The following ITIH6 variants were observed in gnomAD, a reference collection of about 807,000 sequenced individuals.
ITIH6 encodes inter-alpha-trypsin inhibitor heavy chain H6.
In ITIH6, 60 loss-of-function variants were observed where a neutral mutation model predicts 58.2. The observed-to-expected ratio is 1.03, with a 90% confidence interval of 0.84 to 1.28. The LOEUF (loss-of-function observed/expected upper bound fraction) is 1.28. Among genes scored for constraint, ITIH6 ranks in the 50% most tolerant of loss-of-function variants. ITIH6 has a pLI of 0.00. For missense variants in ITIH6, 1,290 were observed against 1,021.1 expected, an observed-to-expected ratio of 1.26 and a Z score of -3.59; for synonymous variants, 493 against 417.4, an observed-to-expected ratio of 1.18 and a Z score of -2.21.
At chrX:54,795,002 C>A (rs1929415265) in intron 2 of ITIH6, among the ~76,000 whole-genome samples, 1 of 112,021 alleles carries the variant, frequency 8.9e-6, no homozygotes, top group Non-Finnish European at 1.9e-5. Flanking sequence ...TTACTCTCCA[C>A]TACAGTCAGG....
In ITIH6 at chrX:54,749,997, C is replaced by T. The variant is rs1387320767; in HGVS notation, c.3840G>A (p.Lys1280=). The stretch of plus-strand genomic sequence containing the variant: ...AGCGGGGCAGCAGCCTTGGTGAGTC[C>T]TTCAGCAGCCTCTTGCCTAGAATCA... The part of the protein sequence containing the change: ...VPVILGKRLL[K]DSPRLLPRWA... Residue 1280 remains lysine (K), a synonymous_variant, in exon 13 of 13, where the codon AAG becomes AAA. Coordinates refer to ENST00000218436, the MANE Select transcript of ITIH6 (RefSeq NM_198510.3). The T allele has an allele frequency of 8.3e-7, 1 of 1,209,727 alleles. No homozygotes were observed. Among genetic ancestry groups the T allele is most frequent in the Non-Finnish European group, 1.1e-6 (1 of 894,960 alleles).
rs1184309343 is a variant in ITIH6 at position 54,797,105 on chromosome X, G to C, written c.103-9C>G. 1 of 1,203,259 alleles carries C rather than the reference G, an allele frequency of 8.3e-7. No individual in the cohort carries two copies. The highest frequency in any genetic ancestry group is 3.0e-5 in the East Asian group (1 of 33,667). Reference sequence around the variant, plus strand: ...TAGCTTGTCATTAACAACTGAGAGAGAAGACAGGAGGAGGTGTTTTAGGTA... The same window carrying C: ...TAGCTTGTCATTAACAACTGAGAGACAAGACAGGAGGAGGTGTTTTAGGTA... On this transcript the variant is annotated splice_polypyrimidine_tract_variant and intron_variant, in intron 1 of 12. Transcript: ENST00000218436.
rs771547215 is a variant in ITIH6 at position 54,789,475 on chromosome X, C to A, written c.617-826G>T. On this transcript the variant is annotated intron_variant, in intron 4 of 12. Coordinates refer to ENST00000218436, the MANE Select transcript of ITIH6 (RefSeq NM_198510.3). ...CCTTGGCTTCCTTCCTCTCAGAGCT[C>A]TTTGTTCTGTTTTCTCCCCCACAGG... 1.3e-4 allele frequency among the ~76,000 whole-genome samples: 14 copies of A among 111,809 alleles called. No individual in the cohort carries two copies. In the East Asian group the frequency reaches 3.7e-3, roughly 29 times the overall value.
intron 2 of ITIH6, among the ~76,000 whole-genome samples, chrX:54,794,608 C>A (rs748843337): frequency 9.0e-6 from 1 of 111,205 alleles, no homozygotes; most frequent in African/African-American, 3.3e-5. Flanking sequence ...CCATACCAAT[C>A]CCCTCCTCTA....
chrX:54,786,322 C>T (rs1235581688), intron 5 of ITIH6, among the ~76,000 whole-genome samples: 3 of 111,762 alleles, frequency 2.7e-5, no homozygotes, highest in Non-Finnish European at 5.6e-5. Context: ...CTCAGGTTTC[C>T]TTCTTCTACT....
At chrX:54,761,677 C>G (rs1309233228) in intron 6 of ITIH6, among the ~76,000 whole-genome samples, 1 of 110,892 alleles carries the variant, frequency 9.0e-6, no homozygotes, top group Admixed American at 9.6e-5. Flanking sequence ...TTTCCCAGCA[C>G]CATTTATTAA....
Position 54,791,848 on chromosome X carries a change from G to A in ITIH6, c.368+78C>T, listed in dbSNP as rs190282416. ...CCACTCTGCAGAGATGGAGACTGAGGACCAGAGAGAACGTGCATCTCCCCT... is the reference window on the plus strand; with the variant it reads ...CCACTCTGCAGAGATGGAGACTGAGAACCAGAGAGAACGTGCATCTCCCCT... On this transcript the variant is annotated intron_variant, in intron 3 of 12. Coordinates refer to ENST00000218436, the MANE Select transcript of ITIH6 (RefSeq NM_198510.3). The A allele has an allele frequency of 3.4e-4, 192 of 563,939 alleles. No individual in the cohort carries two copies. The African/African-American group carries it at 3.9e-3, about 12-fold the overall frequency. 46.5% of individuals were successfully genotyped at this position (563,939 alleles called of 1,213,427 possible). A position where few individuals can be genotyped will look rare whatever the true frequency, so the allele number is the denominator to read the frequency against.
chrX:54,790,772 A>C, intron 4 of ITIH6, 65 bp downstream of exon 4: 3 of 1,166,162 alleles, frequency 2.6e-6, no homozygotes, highest in Non-Finnish European at 3.5e-6. Context: ...AACCCAGTGG[A>C]ATCGATAAGG....
Position 54,750,054 on chromosome X carries a change from G to T in ITIH6, c.3783C>A (p.Cys1261Ter). 1 of 1,211,166 alleles carries T rather than the reference G, an allele frequency of 8.3e-7. No homozygotes were observed. The highest frequency in any genetic ancestry group is 3.0e-5 in the East Asian group (1 of 33,817). ...IRLVTGPMGP[C>*]LRRHHGPDVP... ...CATCTGGGCCATGGTGCCTTCGTAAGCATGGCCCCATAGGTCCTGTCACCA... is the reference window on the plus strand; with the variant it reads ...CATCTGGGCCATGGTGCCTTCGTAATCATGGCCCCATAGGTCCTGTCACCA... The change falls in exon 13 of 13, where the codon TGC becomes TGA. Residue 1261 changes from cysteine to a stop codon, truncating the protein, a stop_gained. Transcript: ENST00000218436. LOFTEE classifies it high-confidence loss of function.
intron 11 of ITIH6, 21 bp from the exon 12 acceptor site, chrX:54,751,401 G>A (rs758450420): frequency 2.5e-6 from 3 of 1,202,039 alleles, no homozygotes; most frequent in South Asian, 1.8e-5. Context: ...GGGAGTGTGG[G>A]CCTGGAGCGG....
intron 2 of ITIH6, among the ~76,000 whole-genome samples, chrX:54,795,408 G>C (rs1039061833): frequency 9.0e-6 from 1 of 111,730 alleles, no homozygotes; most frequent in South Asian, 3.8e-4. Flanking sequence ...TATATGTTTT[G>C]AGAGTATAGG....
intron 4 of ITIH6, among the ~76,000 whole-genome samples, chrX:54,788,871 C>G (rs1654932107): frequency 1.8e-5 from 2 of 112,467 alleles, no homozygotes; most frequent in Admixed American, 1.9e-4. Flanking sequence ...CCTAGCCGGA[C>G]AGACCCAACC....
chrX:54,749,918 G>T lies in ITIH6; in HGVS notation c.3919C>A (p.Pro1307Thr), dbSNP rs1460065417. 8.3e-6 allele frequency: 10 copies of T among 1,208,900 alleles called. No homozygotes were observed. Among genetic ancestry groups the T allele is most frequent in the East Asian group, 3.0e-5 (1 of 33,727 alleles). The change falls in exon 13 of 13, where the codon CCC becomes ACC. Residue 1307 changes from proline (P) to threonine (T), a missense_variant. By Grantham distance (38) the Pro-to-Thr change is conservative. Transcript: ENST00000218436. Reference sequence around the variant, plus strand: ...CATCACAGGACATAGGAGAGGTAGGGGTGGCCCAGAAGCAGCTCTACATGA... The same window carrying T: ...CATCACAGGACATAGGAGAGGTAGGTGTGGCCCAGAAGCAGCTCTACATGA... ...RSHVELLLGH[P>T]YLSYVL
intron 5 of ITIH6, among the ~76,000 whole-genome samples, chrX:54,783,548 C>T (rs180710988): frequency 9.0e-6 from 1 of 111,619 alleles, no homozygotes; most frequent in Admixed American, 9.5e-5. Context: ...CAACAGTGAA[C>T]AATCTGAAAA....
At position 54,749,997 on chromosome X, in the gene ITIH6, CT is replaced by C; in HGVS notation, c.3839del (p.Lys1280ArgfsTer16). On this transcript the variant is annotated frameshift_variant, in exon 13 of 13. Coordinates refer to ENST00000218436, the MANE Select transcript of ITIH6 (RefSeq NM_198510.3). LOFTEE classifies it high-confidence loss of function. Reference protein sequence around the residue: ...VPVILGKRLLKDSPRLLPRWA... With the variant: ...VPVILGKRLLXDSPRLLPRWA... ...AGCGGGGCAGCAGCCTTGGTGAGTCCTTCAGCAGCCTCTTGCCTAGAATCAC... is the reference window on the plus strand; with the variant it reads ...AGCGGGGCAGCAGCCTTGGTGAGTCCTCAGCAGCCTCTTGCCTAGAATCAC... 1 of 1,211,464 alleles carries C rather than the reference CT, an allele frequency of 8.3e-7. No individual in the cohort carries two copies. Among genetic ancestry groups the C allele is most frequent in the Non-Finnish European group, 1.1e-6 (1 of 895,248 alleles).
intron 2 of ITIH6, among the ~76,000 whole-genome samples, chrX:54,796,277 G>A (rs1929438743): frequency 8.9e-6 from 1 of 112,269 alleles, no homozygotes; most frequent in Non-Finnish European, 1.9e-5. Context: ...CACACACTCA[G>A]CACCAGGAAA....
intron 5 of ITIH6, among the ~76,000 whole-genome samples, chrX:54,779,888 G>A (rs914636515): frequency 1.1e-4 from 12 of 111,590 alleles, no homozygotes; most frequent in African/African-American, 3.9e-4. Context: ...AAAAGATGAG[G>A]AGGAGCCATA....
Position 54,797,019 on chromosome X carries a change from A to C in ITIH6, c.180T>G (p.Phe60Leu). 1.7e-6 allele frequency: 2 copies of C among 1,210,911 alleles called. No individual in the cohort carries two copies. The part of the protein sequence containing the change: ...YAHTLVTSVL[F>L]NPHAEAHEAI... ...CTTCATGGGCTTCAGCATGTGGATT[A>C]AACAGGACAGAGGTGACCAAGGTGT... Residue 60 changes from phenylalanine (F) to leucine (L), a missense_variant, in exon 2 of 13, where the codon TTT (phenylalanine) becomes TTG (leucine). Transcript: ENST00000218436.
In ITIH6 at chrX:54,792,047, A is replaced by C. The variant is rs984266455; in HGVS notation, c.258-11T>G. ...TTATTGTTGATGGTCCTAATGGGGC[A>C]GGAAAGAGGAGGGACAGTAGAGACA... On this transcript the variant is annotated splice_polypyrimidine_tract_variant and intron_variant, in intron 2 of 12. Transcript: ENST00000218436. 2.7e-6 allele frequency: 3 copies of C among 1,113,511 alleles called. No homozygotes were observed. In the Admixed American group the frequency reaches 6.6e-5, roughly 24 times the overall value. 91.8% of individuals were successfully genotyped at this position (1,113,511 alleles called of 1,213,427 possible).
Sources: allele counts gnomAD v4.1 joint callset (sites outside exome capture counted in the v4.1 genomes callset), GRCh38; gene constraint gnomAD v4.1.1; transcripts MANE v1.5; gene names NCBI Gene and HGNC (gene_info 2026-07-23, HGNC 2026-07-21).